The following KPNA4 variants were observed in gnomAD, a reference collection of about 807,000 sequenced individuals.
KPNA4 encodes karyopherin subunit alpha 4.
Under a neutral mutation model 71.3 loss-of-function variants are expected in KPNA4, and 13 were observed. The ratio of observed to expected loss-of-function variants is 0.18; its 90% CI spans 0.12 to 0.29. KPNA4 has a LOEUF of 0.29. Ranked by LOEUF, KPNA4 falls within the 10% of genes least tolerant of loss-of-function variation. The probability of loss-of-function intolerance (pLI) is 1.00; values close to 1 mark genes in which losing one functional copy is unlikely to be tolerated. For synonymous variants in KPNA4, 189 were observed against 195.2 expected, an observed-to-expected ratio of 0.97 and a Z score of 0.26; for missense variants, 334 against 603.2, an observed-to-expected ratio of 0.55 and a Z score of 4.67.
intron 7 of KPNA4, among the ~76,000 whole-genome samples, chr3:160,530,473 T>G (rs1200293005): frequency 6.6e-6 from 1 of 151,894 alleles, no homozygotes; most frequent in African/African-American, 2.4e-5. Flanking sequence ...AGTAAGATCT[T>G]GTCTGAGAAA....
intron 1 of KPNA4, among the ~76,000 whole-genome samples, chr3:160,548,245 C>T (rs913105674): frequency 6.6e-6 from 1 of 152,028 alleles, no homozygotes; most frequent in Non-Finnish European, 1.5e-5. Flanking sequence ...GTAATATATA[C>T]ATAACAATAA....
rs907114724 is a variant in KPNA4, at chr3:160,547,339, G to A, written c.70-10499C>T. 3.3e-5 allele frequency among the ~76,000 whole-genome samples: 5 copies of A among 152,108 alleles called. No homozygotes were observed. In the East Asian group the frequency reaches 9.6e-4, roughly 29 times the overall value. On this transcript the variant is annotated intron_variant, in intron 1 of 16. Coordinates refer to ENST00000334256, the MANE Select transcript of KPNA4 (RefSeq NM_002268.5). ...ATTGCCTGATTAGATTCTCATGGGT[G>A]TTTTGGTGTTTCTACTGCATATCAC...
At position 160,509,647 on chromosome 3, in the gene KPNA4, G is replaced by A. The variant is rs556235446; in HGVS notation, c.1209+153C>T. On this transcript the variant is annotated intron_variant, in intron 14 of 16. Coordinates refer to ENST00000334256, the MANE Select transcript of KPNA4 (RefSeq NM_002268.5). The stretch of plus-strand genomic sequence containing the variant: ...TGGTCTCACTGTGTTGCCCAGGCCA[G>A]TCACAAAACCCTGGCCTCGGGTGAT... 4.6e-5 allele frequency among the ~76,000 whole-genome samples: 7 copies of A among 152,290 alleles called. No homozygotes were observed. The East Asian group carries it at 1.3e-3, about 29-fold the overall frequency.
rs183538642 is a variant in KPNA4, at chr3:160,512,385, A to G, written c.1137+1692T>C. Among the ~76,000 whole-genome samples, 119 of 152,344 alleles carry G rather than the reference A, an allele frequency of 7.8e-4. 1 individual carries two copies. Among genetic ancestry groups the G allele is most frequent in the Admixed American group, 7.3e-3 (112 of 15,308 alleles). ...ACAACTAAAAGGTATTAAAACTTGC[A>G]AAATATATTTTAAAAATTCATAATT... On this transcript the variant is annotated intron_variant, in intron 13 of 16. Coordinates refer to ENST00000334256, the MANE Select transcript of KPNA4 (RefSeq NM_002268.5).
intron 8 of KPNA4, among the ~76,000 whole-genome samples, chr3:160,526,995 A>G (rs549287737): frequency 6.6e-6 from 1 of 152,346 alleles, no homozygotes; most frequent in Admixed American, 6.5e-5. Flanking sequence ...TGGTTTACAG[A>G]GAAATTCTCC....
At position 160,552,766 on chromosome 3, in the gene KPNA4, A is replaced by G. The variant is rs138450501; in HGVS notation, c.69+12448T>C. ...AAAGCATTCTCACAGACAGAGCAGC[A>G]TGTGTGAAGGGGTGAAGAGGAGAAC... On this transcript the variant is annotated intron_variant, in intron 1 of 16. Transcript: ENST00000334256. Among the ~76,000 whole-genome samples, 617 of 152,304 alleles carry G rather than the reference A, an allele frequency of 4.1e-3. 4 individuals are homozygous for G. Among genetic ancestry groups the G allele is most frequent in the African/African-American group, 0.014 (598 of 41,562 alleles).
At chr3:160,527,889 G>C in intron 8 of KPNA4, 64 bp downstream of exon 8, 1 of 1,193,504 alleles carries the variant, frequency 8.4e-7, no homozygotes, top group Admixed American at 1.8e-5. Flanking sequence ...ATTACTAGTA[G>C]CTATTTTTAT....
chr3:160,510,298 A>C (rs1309273730), intron 13 of KPNA4, among the ~76,000 whole-genome samples: 1 of 152,196 alleles, frequency 6.6e-6, no homozygotes, highest in Non-Finnish European at 1.5e-5. Flanking sequence ...GCCTTTTCAA[A>C]TATGAAGCGA....
chr3:160,511,074 G>GCCAC (rs1721082788), intron 13 of KPNA4, among the ~76,000 whole-genome samples: 1 of 151,088 alleles, frequency 6.6e-6, no homozygotes, highest in South Asian at 2.1e-4. Context: ...ACACGTGTGA[G>GCCAC]CCACTGTGCC....
chr3:160,556,953 C>G (rs1448335720), intron 1 of KPNA4, among the ~76,000 whole-genome samples: 1 of 152,088 alleles, frequency 6.6e-6, no homozygotes, highest in Non-Finnish European at 1.5e-5. Context: ...ATAGGTAGGA[C>G]TATAGGTGTG....
intron 1 of KPNA4, among the ~76,000 whole-genome samples, chr3:160,558,758 T>A (rs6441323): frequency 0.86 from 129,900 of 150,920 alleles, 55,965 homozygotes; most frequent in East Asian, 0.96. Flanking sequence ...ATACTTTTTT[T>A]AAAAAAAAAA....
chr3:160,535,787 A>C, intron 3 of KPNA4, 21 bp downstream of exon 3: 1 of 1,557,290 alleles, frequency 6.4e-7, no homozygotes, highest in East Asian at 2.3e-5. Flanking sequence ...AGTTACCAGA[A>C]TAACAATAAC....
chr3:160,520,888 A>C (rs896657382), intron 11 of KPNA4, among the ~76,000 whole-genome samples: 86 of 152,332 alleles, frequency 5.6e-4, no homozygotes, highest in African/African-American at 2.0e-3. Flanking sequence ...AGGTAGAGGG[A>C]GCTTGCTGCG....
At chr3:160,508,418 A>G in intron 14 of KPNA4, 149 bp from the exon 15 acceptor site, 1 of 464,318 alleles carries the variant, frequency 2.2e-6, no homozygotes, top group East Asian at 3.5e-5. Context: ...TTATTAATCT[A>G]ACCTCCTTTT....
Position 160,535,560 on chromosome 3 carries a change from A to G in KPNA4, c.240T>C (p.Ala80=), listed in dbSNP as rs1338515533. ...NTSLEAIVQN[A]SSDNQGIQLS... ...ATTGAATTCCTTGGTTATCACTTGA[A>G]GCATTCTATAAAAAATAAAATAATT... Residue 80 remains alanine, a synonymous_variant, in exon 5 of 17, where the codon GCT becomes GCC. Coordinates refer to ENST00000334256, the MANE Select transcript of KPNA4 (RefSeq NM_002268.5). The G allele has an allele frequency of 6.9e-6, 11 of 1,597,182 alleles. No individual in the cohort carries two copies. The highest frequency in any genetic ancestry group is 6.9e-5 in the South Asian group (6 of 87,566).
intron 1 of KPNA4, among the ~76,000 whole-genome samples, chr3:160,539,490 A>T (rs1721754442): frequency 1.3e-5 from 2 of 152,360 alleles, no homozygotes; most frequent in East Asian, 1.9e-4. Context: ...CAACCCAGAC[A>T]GTCTCACACA....
chr3:160,523,325 C>G (rs1274090016), intron 10 of KPNA4, among the ~76,000 whole-genome samples: 1 of 151,610 alleles, frequency 6.6e-6, no homozygotes, highest in African/African-American at 2.4e-5. Flanking sequence ...AGAAACAATT[C>G]GGCATTGTTT....
In KPNA4 at chr3:160,530,931, T is replaced by G; in HGVS notation, c.393A>C (p.Leu131Phe). The change falls in exon 7 of 17, where the codon TTA (leucine) becomes TTC (phenylalanine). Residue 131 changes from leucine to phenylalanine, a missense_variant. Transcript: ENST00000334256. ...TCAAAGCCCATGCAGCTTCAAACTG[T>G]AAAGAAGGACTACAAAAAAAAACAA... ...HCLERDDNPS[L>F]QFEAAWALTN... 1 of 1,604,972 alleles carries G rather than the reference T, an allele frequency of 6.2e-7. No individual in the cohort carries two copies. The highest frequency in any genetic ancestry group is 8.5e-7 in the Non-Finnish European group (1 of 1,176,120).
Position 160,523,483 on chromosome 3 carries a change from C to T in KPNA4, c.772-1573G>A, listed in dbSNP as rs55964808. ...AAACTCCTAAAAGGTGAAAATAATG[C>T]TTTGCCATTGTTTCTTAGGAAATTC... is the stretch of plus-strand genomic sequence containing the variant. On this transcript the variant is annotated intron_variant, in intron 10 of 16. Coordinates refer to ENST00000334256, the MANE Select transcript of KPNA4 (RefSeq NM_002268.5). Among the ~76,000 whole-genome samples the T allele has an allele frequency of 7.0e-3, 1,073 of 152,220 alleles. 3 individuals carry two copies. Among genetic ancestry groups the T allele is most frequent in the Middle Eastern group, 0.031 (9 of 294 alleles).
Sources: gnomAD v4.1 joint callset for allele counts (sites outside exome capture counted in the v4.1 genomes callset) on GRCh38, gnomAD v4.1.1 for gene constraint, MANE v1.5 for transcripts, NCBI Gene and HGNC (gene_info 2026-07-23, HGNC 2026-07-21) for gene names.